Variants in SLC26A3 observed in about 807,000 individuals in gnomAD.
SLC26A3 encodes solute carrier family 26 member 3.
In SLC26A3, 64 loss-of-function variants were observed where a neutral mutation model predicts 85.6. The ratio of observed to expected loss-of-function variants is 0.75; its 90% confidence interval spans 0.61 to 0.92. The LOEUF (loss-of-function observed/expected upper bound fraction) is 0.92. Among genes scored for constraint, SLC26A3 ranks in the 40% least tolerant of loss-of-function variants. The probability of loss-of-function intolerance (pLI) is 0.00; values close to 1 mark genes in which losing one functional copy is unlikely to be tolerated. For synonymous variants in SLC26A3, 349 were observed against 336.0 expected (o/e 1.04, Z -0.42); for missense variants, 922 against 927.3 (o/e 0.99, Z 0.07).
chr7:107,774,683 CT>C, intron 16 of SLC26A3, 93 bp downstream of exon 16: 1 of 913,670 alleles, frequency 1.1e-6, no homozygotes, highest in Admixed American at 1.7e-5. Context: ...CCTTGTTTAT[CT>C]GGCATTTCAT....
At chr7:107,796,777 C>T (rs1794509069) in intron 1 of SLC26A3, among the ~76,000 whole-genome samples, 1 of 123,172 alleles carries the variant, frequency 8.1e-6, no homozygotes, top group Non-Finnish European at 1.7e-5. Context: ...ACCTAGCCAA[C>T]CTTAGGATGA....
chr7:107,779,413 A>C (rs1794180239), intron 12 of SLC26A3, among the ~76,000 whole-genome samples: 1 of 152,220 alleles, frequency 6.6e-6, no homozygotes, highest in Non-Finnish European at 1.5e-5. Context: ...AATAGGCCTA[A>C]GGAAGTTCTA....
At chr7:107,767,469 C>T in intron 20 of SLC26A3, 110 bp downstream of exon 20, 2 of 806,672 alleles carry the variant, frequency 2.5e-6, no homozygotes, top group East Asian at 5.2e-5. Flanking sequence ...GGCACAGAGG[C>T]TCAAGCAAGT....
chr7:107,787,047 A>G lies in SLC26A3; in HGVS notation c.889-138T>C. The stretch of plus-strand genomic sequence containing the variant: ...AGCCCAGGCTTTGTTACTTTTTAAG[A>G]AATTCGGAGGCAATTCTAACATGCC... On this transcript the variant is annotated intron_variant, in intron 7 of 20. Transcript: ENST00000340010. 6.1e-6 allele frequency: 5 copies of G among 816,638 alleles called. No individual in the cohort carries two copies. The Admixed American group carries it at 1.0e-4, about 16-fold the overall frequency. The allele number at this position is 816,638 out of a possible 1,614,324, so 50.6% of individuals were successfully genotyped here.
intron 1 of SLC26A3, among the ~76,000 whole-genome samples, chr7:107,798,586 T>A (rs1014679008): frequency 2.6e-5 from 4 of 152,166 alleles, no homozygotes; most frequent in Non-Finnish European, 5.9e-5. Flanking sequence ...CTAGGATTTG[T>A]CTTTAATTAG....
intron 11 of SLC26A3, among the ~76,000 whole-genome samples, chr7:107,782,059 A>G (rs1794223134): frequency 2.6e-5 from 4 of 152,160 alleles, no homozygotes; most frequent in Admixed American, 1.3e-4. Flanking sequence ...AAGGTTAAGT[A>G]ATTTGCCCAA....
Position 107,774,026 on chromosome 7 carries a change from T to C in SLC26A3, c.1901A>G (p.Asp634Gly). The C allele has an allele frequency of 1.9e-6, 3 of 1,614,124 alleles. No homozygotes were observed. Among genetic ancestry groups the C allele is most frequent in the East Asian group, 2.2e-5 (1 of 44,882 alleles). ...GGGGACCTCAATGTTGAGAGGAAGA[T>C]CATCATTCCAGTCAATGTGGAAAGG... The part of the protein sequence containing the change: ...DLPFHIDWND[D>G]LPLNIEVPKI... The change falls in exon 17 of 21, where the codon GAT becomes GGT. Residue 634 changes from aspartate to glycine, a missense_variant. Asp to Gly is a moderately conservative substitution (Grantham distance 94). Transcript: ENST00000340010.
intron 20 of SLC26A3, 89 bp from the exon 21 acceptor site, chr7:107,765,967 T>G (rs1267775353): frequency 8.8e-7 from 1 of 1,135,986 alleles, no homozygotes; most frequent in Non-Finnish European, 1.3e-6. Context: ...TTACCAGAGT[T>G]AACAGGTTTT....
intron 8 of SLC26A3, 29 bp downstream of exon 8, chr7:107,786,797 TG>T: frequency 6.4e-7 from 1 of 1,565,358 alleles, no homozygotes; most frequent in Non-Finnish European, 8.8e-7. Flanking sequence ...GCTTAGTGCA[TG>T]GTGATGCCAT....
chr7:107,779,339 A>C (rs966196300), intron 12 of SLC26A3, among the ~76,000 whole-genome samples: 1 of 152,200 alleles, frequency 6.6e-6, no homozygotes, highest in African/African-American at 2.4e-5. Context: ...GAAGAACAGA[A>C]GCCATGCGTA....
Position 107,767,909 on chromosome 7 carries a change from C to T in SLC26A3, c.2063-1G>A. 1 of 1,613,252 alleles carries T rather than the reference C, an allele frequency of 6.2e-7. No individual in the cohort carries two copies. Among genetic ancestry groups the T allele is most frequent in the South Asian group, 1.1e-5 (1 of 91,030 alleles). ...CGGTTAAGCTTCTCAATGAAGTCAT[C>T]TGAAGAGAAAAAAACAGTAACTTTT... is the stretch of plus-strand genomic sequence containing the variant. On this transcript the variant is annotated splice_acceptor_variant, in intron 18 of 20. Transcript: ENST00000340010. LOFTEE classifies it high-confidence loss of function.
chr7:107,779,195 A>G (rs553211772), intron 12 of SLC26A3, among the ~76,000 whole-genome samples: 10 of 152,360 alleles, frequency 6.6e-5, no homozygotes, highest in African/African-American at 2.2e-4. Flanking sequence ...TTTTTACACC[A>G]CAGACTTTGA....
Position 107,794,499 on chromosome 7 carries a change from G to C in SLC26A3, c.11C>G (p.Pro4Arg). The C allele has an allele frequency of 6.2e-7, 1 of 1,613,850 alleles. No individual in the cohort carries two copies. The highest frequency in any genetic ancestry group is 8.5e-7 in the Non-Finnish European group (1 of 1,179,872). ...GGCCACAATATACTGATTCCCAAAGGGTTCAATCATTTTGATTTTTCTGTT... is the reference window on the plus strand; with the variant it reads ...GGCCACAATATACTGATTCCCAAAGCGTTCAATCATTTTGATTTTTCTGTT... MIE[P>R]FGNQYIVARP... The change falls in exon 2 of 21, where the codon CCC becomes CGC. Residue 4 changes from proline to arginine, a missense_variant. By Grantham distance (103) the Pro-to-Arg change is moderately radical. Coordinates refer to ENST00000340010, the MANE Select transcript of SLC26A3 (RefSeq NM_000111.3).
intron 3 of SLC26A3, 21 bp from the exon 4 acceptor site, chr7:107,791,961 G>GA (rs1411106776): frequency 7.2e-7 from 1 of 1,384,460 alleles, no homozygotes; most frequent in East Asian, 2.3e-5. Context: ...ACAAGCAGCA[G>GA]AGCCCTTACT....
intron 20 of SLC26A3, among the ~76,000 whole-genome samples, chr7:107,766,605 A>G (rs889421541): frequency 2.0e-4 from 31 of 152,260 alleles, no homozygotes; most frequent in South Asian, 2.1e-4. Flanking sequence ...TTCCAGATTT[A>G]TCTTATGCTC....
At position 107,778,241 on chromosome 7, in the gene SLC26A3, C is replaced by T; in HGVS notation, c.1448G>A (p.Gly483Glu). Residue 483 changes from glycine to glutamate, a missense_variant, in exon 13 of 21, where the codon GGA (glycine) becomes GAA (glutamate). Gly to Glu is a moderately conservative substitution (Grantham distance 98, BLOSUM62 -2). Transcript: ENST00000340010. ...ACTAGCTGCCAGGCCTAACCCGAGT[C>T]CCAGGACAATGGTGAAGATGAAGGT... ...IMTFIFTIVL[G>E]LGLGLAASVA... 1 of 1,613,830 alleles carries T rather than the reference C, an allele frequency of 6.2e-7. No individual in the cohort carries two copies. Among genetic ancestry groups the T allele is most frequent in the South Asian group, 1.1e-5 (1 of 91,026 alleles).
At chr7:107,785,534 C>A (rs1562879059) in intron 8 of SLC26A3, among the ~76,000 whole-genome samples, 1 of 152,226 alleles carries the variant, frequency 6.6e-6, no homozygotes, top group East Asian at 1.9e-4. Flanking sequence ...CTGACAAGAT[C>A]CTGTTTGGTT....
intron 18 of SLC26A3, among the ~76,000 whole-genome samples, chr7:107,769,238 A>G (rs1022598896): frequency 3.3e-5 from 5 of 152,190 alleles, no homozygotes; most frequent in Non-Finnish European, 5.9e-5. Context: ...TATATACCCA[A>G]AGGAATATAA....
intron 20 of SLC26A3, 79 bp downstream of exon 20, chr7:107,767,500 C>T: frequency 9.7e-7 from 1 of 1,032,522 alleles, no homozygotes; most frequent in Non-Finnish European, 1.5e-6. Context: ...CTGCCACATG[C>T]AGGAAGTGGC....
Sources: gnomAD v4.1 joint callset for allele counts (sites outside exome capture counted in the v4.1 genomes callset) on GRCh38, gnomAD v4.1.1 for gene constraint, MANE v1.5 for transcripts, NCBI Gene and HGNC (gene_info 2026-07-23, HGNC 2026-07-21) for gene names.